Variants in SLC35F3 observed in about 807,000 individuals in gnomAD.
SLC35F3 encodes putative thiamine transporter SLC35F3.
A neutral mutation model predicts 49.9 loss-of-function variants in SLC35F3; 25 were observed. That is an observed-to-expected ratio of 0.50 (90% CI 0.37 to 0.70). The LOEUF (loss-of-function observed/expected upper bound fraction) is 0.70, where lower values mean the gene tolerates loss of function less well. SLC35F3 is among the 30% of genes least tolerant of loss of function. The pLI is 0.00. For missense variants in SLC35F3, 525 were observed against 639.8 expected, an observed-to-expected ratio of 0.82 and a Z score of 1.94; for synonymous variants, 275 against 265.4, an observed-to-expected ratio of 1.04 and a Z score of -0.35.
chr1:233,909,907 C>G (rs1267353268), intron 2 of SLC35F3, among the ~76,000 whole-genome samples: 2 of 152,230 alleles, frequency 1.3e-5, no homozygotes, highest in East Asian at 3.8e-4. Flanking sequence ...AGCAGGCCTA[C>G]CTTACAAATT....
At chr1:234,142,632 T>C (rs1163255987) in intron 2 of SLC35F3, among the ~76,000 whole-genome samples, 4 of 151,630 alleles carry the variant, frequency 2.6e-5, no homozygotes, top group Admixed American at 1.3e-4. Context: ...TCAGGCTCTG[T>C]GCCTTTGATA....
At chr1:234,145,141 C>G (rs1665977477) in intron 2 of SLC35F3, among the ~76,000 whole-genome samples, 1 of 152,170 alleles carries the variant, frequency 6.6e-6, no homozygotes, top group Non-Finnish European at 1.5e-5. Context: ...TGAGGAAATT[C>G]CTTGGAACCT....
chr1:234,309,575 T>G (rs1162069687), intron 4 of SLC35F3, among the ~76,000 whole-genome samples: 1 of 152,216 alleles, frequency 6.6e-6, no homozygotes, highest in African/African-American at 2.4e-5. Context: ...AAGCATTCCC[T>G]AAAGTGTGTG....
intron 1 of SLC35F3, 32 bp from the exon 2 acceptor site, chr1:233,905,497 C>A: frequency 2.6e-6 from 4 of 1,526,364 alleles, no homozygotes; most frequent in Non-Finnish European, 3.6e-6. Flanking sequence ...TCCCCCTGCC[C>A]ACCCACCTGC....
rs570898480 is a variant in SLC35F3, at chr1:233,972,445, A to G, written c.283+66687A>G. Among the ~76,000 whole-genome samples, 4 of 152,354 alleles carry G rather than the reference A, an allele frequency of 2.6e-5. No individual in the cohort carries two copies. The South Asian group carries it at 8.3e-4, about 32-fold the overall frequency. ...TATAAACAGTGAAGAGTAATGATTAAGAGCACAGCTGGGATTGAGTCCTAG... is the reference window on the plus strand; with the variant it reads ...TATAAACAGTGAAGAGTAATGATTAGGAGCACAGCTGGGATTGAGTCCTAG... On this transcript the variant is annotated intron_variant, in intron 2 of 7. Transcript: ENST00000366618.
intron 3 of SLC35F3, among the ~76,000 whole-genome samples, chr1:234,292,519 G>C (rs867305613): frequency 3.3e-5 from 5 of 152,210 alleles, no homozygotes; most frequent in African/African-American, 1.2e-4. Context: ...CTCCAGAACT[G>C]TTACCAAGAA....
chr1:233,936,731 C>A (rs1662340490), intron 2 of SLC35F3, among the ~76,000 whole-genome samples: 1 of 151,872 alleles, frequency 6.6e-6, no homozygotes, highest in African/African-American at 2.4e-5. Flanking sequence ...CTATGTCGCC[C>A]AAGCTGAAGT....
At position 233,905,591 on chromosome 1, in the gene SLC35F3, G is replaced by T. The variant is rs753132237; in HGVS notation, c.116G>T (p.Arg39Leu). 1 of 1,614,154 alleles carries T rather than the reference G, an allele frequency of 6.2e-7. No homozygotes were observed. Among genetic ancestry groups the T allele is most frequent in the Non-Finnish European group, 8.5e-7 (1 of 1,180,040 alleles). The part of the protein sequence containing the change: ...RRLSDISPQL[R>L]QLKYLVVDEA... ...CTGTCCGACATCAGCCCCCAGCTCC[G>T]GCAGCTCAAGTACTTGGTGGTGGAC... Residue 39 changes from arginine to leucine, a missense_variant, in exon 2 of 8, where the codon CGG (arginine) becomes CTG (leucine). Arg to Leu is a moderately radical substitution (Grantham distance 102, BLOSUM62 -2). Around this residue, in one of 4 missense-constraint regions of SLC35F3, gnomAD observed 228 missense variants for 218.9 expected, o/e 1.04. Transcript: ENST00000366618.
At chr1:234,131,553 A>G (rs1013946102) in intron 2 of SLC35F3, among the ~76,000 whole-genome samples, 11 of 152,210 alleles carry the variant, frequency 7.2e-5, no homozygotes, top group African/African-American at 2.4e-4. Flanking sequence ...GGTCAAAAGT[A>G]AACCGGACAT....
intron 2 of SLC35F3, among the ~76,000 whole-genome samples, chr1:234,161,515 C>G (rs7537988): frequency 0.14 from 20,697 of 152,090 alleles, 4,441 homozygotes; most frequent in African/African-American, 0.46. Flanking sequence ...AATCCCAGCT[C>G]TTTGTGAGGC....
intron 2 of SLC35F3, among the ~76,000 whole-genome samples, chr1:234,001,852 T>A (rs1663558872): frequency 6.6e-6 from 1 of 152,264 alleles, no homozygotes; most frequent in South Asian, 2.1e-4. Context: ...ATGCACTGAA[T>A]GATTTTCTAT....
intron 3 of SLC35F3, among the ~76,000 whole-genome samples, chr1:234,278,891 G>A (rs1049044551): frequency 3.3e-5 from 5 of 152,088 alleles, no homozygotes; most frequent in Non-Finnish European, 7.4e-5. Flanking sequence ...ATCACACTGG[G>A]GGTTAGGATT....
chr1:234,256,072 T>A (rs1369386984), intron 3 of SLC35F3, among the ~76,000 whole-genome samples: 1 of 152,162 alleles, frequency 6.6e-6, no homozygotes, highest in African/African-American at 2.4e-5. Context: ...TTCTGCTCAT[T>A]TTTTCTGTAA....
chr1:234,095,715 T>C (rs1665107454), intron 2 of SLC35F3, among the ~76,000 whole-genome samples: 1 of 152,236 alleles, frequency 6.6e-6, no homozygotes, highest in East Asian at 1.9e-4. Flanking sequence ...ACTTGGGGTC[T>C]AATCATAGTT....
intron 2 of SLC35F3, among the ~76,000 whole-genome samples, chr1:233,975,538 A>C (rs993365730): frequency 6.6e-6 from 1 of 152,264 alleles, no homozygotes; most frequent in African/African-American, 2.4e-5. Flanking sequence ...AAATGAGGAA[A>C]TAATGGCAGC....
chr1:233,971,574 G>GAATA (rs1244713986), intron 2 of SLC35F3, among the ~76,000 whole-genome samples: 2 of 152,076 alleles, frequency 1.3e-5, no homozygotes, highest in African/African-American at 4.8e-5. Flanking sequence ...ACAAAAATTA[G>GAATA]CCAGCGTGGT....
intron 2 of SLC35F3, among the ~76,000 whole-genome samples, chr1:233,917,079 G>GA (rs1661985186): frequency 6.6e-6 from 1 of 152,128 alleles, no homozygotes; most frequent in Non-Finnish European, 1.5e-5. Context: ...TTATTTCCTA[G>GA]AAAATAACAT....
intron 2 of SLC35F3, among the ~76,000 whole-genome samples, chr1:234,109,295 C>T (rs746755785): frequency 5.3e-5 from 8 of 152,156 alleles, no homozygotes; most frequent in Non-Finnish European, 1.2e-4. Context: ...TAGAGAAAGG[C>T]TAGGAACACG....
At chr1:234,094,124 G>A (rs1665084326) in intron 2 of SLC35F3, among the ~76,000 whole-genome samples, 1 of 152,214 alleles carries the variant, frequency 6.6e-6, no homozygotes, top group Non-Finnish European at 1.5e-5. Flanking sequence ...TCCTGGCAGA[G>A]TGAATTAGCC....
Sources: allele counts gnomAD v4.1 joint callset (sites outside exome capture counted in the v4.1 genomes callset), GRCh38; gene constraint gnomAD v4.1.1; regional missense constraint gnomAD v4.1.1; transcripts MANE v1.5; gene names NCBI Gene and HGNC (gene_info 2026-07-23, HGNC 2026-07-21).